Variants in STK38 observed in about 807,000 individuals in gnomAD.
STK38 encodes serine/threonine-protein kinase 38.
A neutral mutation model predicts 59.0 loss-of-function variants in STK38; 26 were observed. The observed-to-expected ratio is 0.44, with a 90% CI of 0.32 to 0.61. The LOEUF (loss-of-function observed/expected upper bound fraction) is 0.61, where lower values mean the gene tolerates loss of function less well. Ranked by LOEUF, STK38 falls within the 20% of genes least tolerant of loss-of-function variation. The pLI is 0.04. For missense variants in STK38, 433 were observed against 566.0 expected (o/e 0.76, Z 2.38); for synonymous variants, 175 against 176.6 (o/e 0.99, Z 0.07).
intron 2 of STK38, among the ~76,000 whole-genome samples, chr6:36,527,435 C>G (rs1314517327): frequency 6.6e-6 from 1 of 150,662 alleles, no homozygotes; most frequent in African/African-American, 2.4e-5. Flanking sequence ...CCTGTAATCC[C>G]AGTTACTTGG....
chr6:36,543,603 C>G (rs1355138895), intron 1 of STK38, among the ~76,000 whole-genome samples: 1 of 151,996 alleles, frequency 6.6e-6, no homozygotes, highest in African/African-American at 2.4e-5. Flanking sequence ...TCTACTACCC[C>G]CCACAGCTGC....
rs1015556783 is a variant in STK38, at chr6:36,493,913, G to T, written c.*1871C>A. The T allele has an allele frequency of 1.3e-5, 2 of 152,044 alleles. No homozygotes were observed. Among genetic ancestry groups the T allele is most frequent in the African/African-American group, 4.8e-5 (2 of 41,358 alleles). The allele number at this position is 152,044 out of a possible 1,614,324, so 9.4% of individuals were successfully genotyped here. A position where few individuals can be genotyped will look rare whatever the true frequency, so the allele number is the denominator to read the frequency against. ...CTACTGTTTTTACACAGTTTATTCA[G>T]AAGTTTAAAAGTTAAAATGTGGGCA... On this transcript the variant is annotated 3_prime_UTR_variant, in exon 14 of 14. Transcript: ENST00000229812.
intron 9 of STK38, among the ~76,000 whole-genome samples, chr6:36,502,670 G>A (rs1776867698): frequency 6.6e-6 from 1 of 152,146 alleles, no homozygotes; most frequent in East Asian, 1.9e-4. Flanking sequence ...GAATAGCCAC[G>A]AGTTCAACTG....
At chr6:36,498,629 CT>C in intron 10 of STK38, 143 bp from the exon 11 acceptor site, 4 of 948,324 alleles carry the variant, frequency 4.2e-6, no homozygotes, top group Non-Finnish European at 6.0e-6. Flanking sequence ...ACTCTGTTAC[CT>C]AGGCTGGGGT....
At chr6:36,533,970 T>C (rs1777729657) in intron 2 of STK38, among the ~76,000 whole-genome samples, 1 of 152,184 alleles carries the variant, frequency 6.6e-6, no homozygotes. Flanking sequence ...CTATTCCACA[T>C]ACAGAACTGC....
At chr6:36,538,127 C>T (rs1253217766) in intron 2 of STK38, among the ~76,000 whole-genome samples, 1 of 151,382 alleles carries the variant, frequency 6.6e-6, no homozygotes, top group Admixed American at 6.6e-5. Flanking sequence ...AGTGAAACCC[C>T]GTCTCTACTA....
chr6:36,513,684 C>T (rs566284994), intron 7 of STK38, among the ~76,000 whole-genome samples: 4 of 151,694 alleles, frequency 2.6e-5, no homozygotes, highest in East Asian at 2.0e-4. Context: ...CTTTGATGTC[C>T]ACTATTCTAC....
At chr6:36,498,042 G>T (rs551471783) in intron 11 of STK38, among the ~76,000 whole-genome samples, 167 bp from the exon 12 acceptor site, 2 of 151,064 alleles carry the variant, frequency 1.3e-5, no homozygotes, top group Non-Finnish European at 2.9e-5. Flanking sequence ...TGGGCTCAAG[G>T]GATCCTCCCA....
intron 7 of STK38, among the ~76,000 whole-genome samples, chr6:36,510,653 A>T (rs1777086994): frequency 7.0e-6 from 1 of 142,230 alleles, no homozygotes; most frequent in African/African-American, 2.7e-5. Context: ...CCAATCATAA[A>T]TCTCTTAACT....
At position 36,525,575 on chromosome 6, in the gene STK38, T is replaced by C. The variant is rs79531693; in HGVS notation, c.183+16A>G. ...CCACGCTGGGTTTTAAGGAAAACAT[T>C]GCCAATATTAATTACCTCCTCATCT... is the stretch of plus-strand genomic sequence containing the variant. On this transcript the variant is annotated intron_variant, in intron 3 of 13. Transcript: ENST00000229812. 10,158 of 1,612,182 alleles carry C rather than the reference T, an allele frequency of 6.3e-3. 534 individuals are homozygous for C. The African/African-American group carries it at 0.11, about 18-fold the overall frequency.
At chr6:36,507,930 A>ATT (rs35789250) in intron 7 of STK38, among the ~76,000 whole-genome samples, 12,209 of 113,154 alleles carry the variant, frequency 0.11, 1,046 homozygotes, top group Admixed American at 0.19. Context: ...GGTATTCAGA[A>ATT]TTTTTTTTTT....
intron 13 of STK38, among the ~76,000 whole-genome samples, chr6:36,496,201 A>C (rs1489835979): frequency 6.6e-6 from 1 of 151,514 alleles, no homozygotes; most frequent in Admixed American, 6.6e-5. Context: ...GTGCCACCAT[A>C]CCCAGCTGAT....
In STK38 at chr6:36,514,730, C is replaced by T. The variant is rs183038425; in HGVS notation, c.669+608G>A. Among the ~76,000 whole-genome samples the T allele has an allele frequency of 2.6e-5, 4 of 151,418 alleles. No individual in the cohort carries two copies. The East Asian group carries it at 7.7e-4, about 29-fold the overall frequency. On this transcript the variant is annotated intron_variant, in intron 7 of 13. Transcript: ENST00000229812. ...GGCGTGGTGGTGCATGCCTGTAATC[C>T]CAGCTACTTGGGAGGCTGAGGCAAT...
chr6:36,521,720 C>CA lies in STK38; in HGVS notation c.390+13dup. ...AATTAATAAGCTAAAAGCACTGCTACAACTGTGCTTTACCTGCTCTTTTTC... is the reference window on the plus strand; with the variant it reads ...AATTAATAAGCTAAAAGCACTGCTACAAACTGTGCTTTACCTGCTCTTTTTC... On this transcript the variant is annotated intron_variant, in intron 5 of 13. Coordinates refer to ENST00000229812, the MANE Select transcript of STK38 (RefSeq NM_007271.4). The CA allele has an allele frequency of 6.3e-7, 1 of 1,594,664 alleles. No homozygotes were observed. The highest frequency in any genetic ancestry group is 8.5e-7 in the Non-Finnish European group (1 of 1,171,120).
At chr6:36,538,891 C>CAAAAAAA (rs1214217676) in intron 2 of STK38, among the ~76,000 whole-genome samples, 1 of 54,136 alleles carries the variant, frequency 1.8e-5, no homozygotes, top group Non-Finnish European at 3.5e-5. Context: ...GACTCTGTCT[C>CAAAAAAA]AAAAAAAAAA....
chr6:36,504,977 C>T (rs968266989), intron 9 of STK38, among the ~76,000 whole-genome samples: 5 of 151,050 alleles, frequency 3.3e-5, no homozygotes, highest in African/African-American at 1.2e-4. Context: ...GATTCCTTAC[C>T]TTCTGTTTCC....
At position 36,506,563 on chromosome 6, in the gene STK38, A is replaced by T; in HGVS notation, c.834+20T>A. ...TCATACTTGGTTTGTAGCATTTCAG[A>T]AGCCACAGATATTACTTACTAGCTG... On this transcript the variant is annotated intron_variant, in intron 9 of 13. Coordinates refer to ENST00000229812, the MANE Select transcript of STK38 (RefSeq NM_007271.4). 6.2e-7 allele frequency: 1 copy of T among 1,606,712 alleles called. No homozygotes were observed. Among genetic ancestry groups the T allele is most frequent in the Middle Eastern group, 1.8e-4 (1 of 5,614 alleles).
chr6:36,514,366 CA>C (rs1266347126), intron 7 of STK38, among the ~76,000 whole-genome samples: 1 of 150,550 alleles, frequency 6.6e-6, no homozygotes, highest in Non-Finnish European at 1.5e-5. Context: ...AAAAAGTCAC[CA>C]AAAGACTTCA....
chr6:36,516,649 G>A (rs914559737), intron 6 of STK38, among the ~76,000 whole-genome samples: 1 of 152,210 alleles, frequency 6.6e-6, no homozygotes, highest in African/African-American at 2.4e-5. Flanking sequence ...CCAGACACAT[G>A]GAGACAGTGC....
Sources: gnomAD v4.1 joint callset for allele counts (sites outside exome capture counted in the v4.1 genomes callset) on GRCh38, gnomAD v4.1.1 for gene constraint, MANE v1.5 for transcripts, NCBI Gene and HGNC (gene_info 2026-07-23, HGNC 2026-07-21) for gene names.